SPEN: variants seen among roughly 807,000 people sequenced by gnomAD.
SPEN encodes the protein msx2-interacting protein.
In SPEN, 18 loss-of-function variants were observed where a neutral mutation model predicts 269.9. The observed-to-expected ratio is 0.07, with a 90% CI of 0.05 to 0.10. The LOEUF (loss-of-function observed/expected upper bound fraction) is 0.10. Among genes scored for constraint, SPEN ranks in the 10% least tolerant of loss-of-function variants. The probability of loss-of-function intolerance (pLI) is 1.00; values close to 1 mark genes in which losing one functional copy is unlikely to be tolerated. For synonymous variants in SPEN, 1,726 were observed against 1,765.7 expected (o/e 0.98, Z 0.56); for missense variants, 3,822 against 4,631.2 (o/e 0.83, Z 5.07).
chr1:15,860,230 T>TAGACCC (rs2070431252), intron 1 of SPEN, among the ~76,000 whole-genome samples: 1 of 151,738 alleles, frequency 6.6e-6, no homozygotes, highest in African/African-American at 2.4e-5. Flanking sequence ...TCTTAAGGCA[T>TAGACCC]AGACTTCAGT....
chr1:15,903,257 T>C (rs1028400918), intron 3 of SPEN, among the ~76,000 whole-genome samples: 2 of 152,236 alleles, frequency 1.3e-5, no homozygotes, highest in Non-Finnish European at 2.9e-5. Flanking sequence ...AGAATTGTTA[T>C]GTAACCAGTT....
intron 8 of SPEN, 126 bp downstream of exon 8, chr1:15,919,643 G>T: frequency 3.6e-6 from 2 of 558,938 alleles, no homozygotes; most frequent in South Asian, 7.5e-5. Flanking sequence ...AATTATGTTT[G>T]CTAAGATTTG....
rs1378585231 is a variant in SPEN at position 15,929,325 on chromosome 1, C to T, written c.3085C>T (p.Leu1029=). ...TGACGTGTCCTCTAGAGAGGTCATT[C>T]TGCTGAGGGAAGGAGAGGCTGAAAG... The part of the protein sequence containing the change: ...QPDVSSREVI[L]LREGEAERKP... The change falls in exon 11 of 15, where the codon CTG becomes TTG. Residue 1029 remains leucine, a synonymous_variant. Coordinates refer to ENST00000375759, the MANE Select transcript of SPEN (RefSeq NM_015001.3). The surrounding 1 kb of genome is among the most constrained non-coding windows in gnomAD (Gnocchi z 5.8). 16 of 1,613,940 alleles carry T rather than the reference C, an allele frequency of 9.9e-6. No homozygotes were observed. The highest frequency in any genetic ancestry group is 1.7e-5 in the Admixed American group (1 of 60,000).
Position 15,847,812 on chromosome 1 carries a change from A to C in SPEN, c.-256A>C. The C allele has an allele frequency of 4.5e-6, 1 of 223,618 alleles. No homozygotes were observed. Among genetic ancestry groups the C allele is most frequent in the Non-Finnish European group, 8.8e-6 (1 of 113,692 alleles). The allele number at this position is 223,618 out of a possible 1,614,324, so 13.9% of individuals were successfully genotyped here. A position where few individuals can be genotyped will look rare whatever the true frequency, so the allele number is the denominator to read the frequency against. ...CCCCCGCCCGCCCCTGCCCGGGCGC[A>C]TGCGCTGCCGGAGCGCGAGGGTCGG... On this transcript the variant is annotated 5_prime_UTR_variant, in exon 1 of 15. It removes an upstream start codon present in the reference 5' UTR. Transcript: ENST00000375759.
At chr1:15,883,882 TCA>T (rs1386274016) in intron 3 of SPEN, among the ~76,000 whole-genome samples, 2 of 147,592 alleles carry the variant, frequency 1.4e-5, no homozygotes, top group Non-Finnish European at 3.0e-5. Flanking sequence ...TGATCTCGAC[TCA>T]CTGCAAGCTC....
chr1:15,872,858 A>T lies in SPEN; in HGVS notation c.126A>T (p.Gly42=). ...GTGTCAAAATTCTTCCCAAGAGGGG[A>T]TCTGAAGGAGGAGTGGCTGCCTTTG... is the stretch of plus-strand genomic sequence containing the variant. ...VESVKILPKR[G]SEGGVAAFVD... The change falls in exon 2 of 15, where the codon GGA becomes GGT. Residue 42 remains glycine (G), a synonymous_variant. Coordinates refer to ENST00000375759, the MANE Select transcript of SPEN (RefSeq NM_015001.3). 7 of 1,544,410 alleles carry T rather than the reference A, an allele frequency of 4.5e-6. No individual in the cohort carries two copies. The highest frequency in any genetic ancestry group is 6.2e-6 in the Non-Finnish European group (7 of 1,135,108).
In SPEN at chr1:15,935,186, C is replaced by A. The variant is rs201270310; in HGVS notation, c.8946C>A (p.Leu2982=). 211 of 1,613,928 alleles carry A rather than the reference C, an allele frequency of 1.3e-4. No individual in the cohort carries two copies. The highest frequency in any genetic ancestry group is 1.6e-4 in the Non-Finnish European group (189 of 1,179,956). ...AGCCGGCCAACCTGGGGTCCACGCTCACGCCCCACCACCCTCCTGCTCTGC... is the reference window on the plus strand; with the variant it reads ...AGCCGGCCAACCTGGGGTCCACGCTAACGCCCCACCACCCTCCTGCTCTGC... ...VLQPANLGST[L]TPHHPPALPS... The change falls in exon 11 of 15, where the codon CTC becomes CTA. Residue 2982 remains leucine (L), a synonymous_variant. Coordinates refer to ENST00000375759, the MANE Select transcript of SPEN (RefSeq NM_015001.3). This position sits in a 1 kb window ranked among gnomAD's most constrained non-coding sequence, Gnocchi z 7.7.
At chr1:15,849,029 A>C (rs2070306229) in intron 1 of SPEN, among the ~76,000 whole-genome samples, 1 of 152,146 alleles carries the variant, frequency 6.6e-6, no homozygotes, top group African/African-American at 2.4e-5. Flanking sequence ...GAATTATAAG[A>C]ATAAATGTTG....
intron 10 of SPEN, among the ~76,000 whole-genome samples, chr1:15,923,284 A>G (rs772360780): frequency 6.6e-6 from 1 of 152,196 alleles, no homozygotes; most frequent in Non-Finnish European, 1.5e-5. Context: ...AACAGACCGA[A>G]ATATAGTAAA....
chr1:15,884,116 A>G (rs1186163632), intron 3 of SPEN, among the ~76,000 whole-genome samples: 1 of 152,058 alleles, frequency 6.6e-6, no homozygotes, highest in African/African-American at 2.4e-5. Context: ...GGCTTGTTTT[A>G]TGGGTTAACA....
At chr1:15,901,059 T>C (rs80289557) in intron 3 of SPEN, among the ~76,000 whole-genome samples, 3 of 151,300 alleles carry the variant, frequency 2.0e-5, no homozygotes, top group South Asian at 4.2e-4. Context: ...AAAAAAAAAA[T>C]AGAGGCTTGA....
chr1:15,874,159 A>G, intron 2 of SPEN: 1 of 1,366,172 alleles, frequency 7.3e-7, no homozygotes, highest in Non-Finnish European at 9.8e-7. Context: ...TCAAGAAAGA[A>G]GTCTGGGGGT....
intron 1 of SPEN, among the ~76,000 whole-genome samples, chr1:15,850,580 T>C (rs984642600): frequency 6.6e-6 from 1 of 152,182 alleles, no homozygotes; most frequent in Non-Finnish European, 1.5e-5. Flanking sequence ...ATTTCTGGTT[T>C]CTTGTTTATC....
At chr1:15,869,425 CA>C (rs1377844820) in intron 1 of SPEN, among the ~76,000 whole-genome samples, 1 of 151,648 alleles carries the variant, frequency 6.6e-6, no homozygotes, top group East Asian at 1.9e-4. Context: ...AATTTTGTTA[CA>C]AAAAAGGTAA....
chr1:15,864,167 C>CTTT (rs71003211), intron 1 of SPEN, among the ~76,000 whole-genome samples: 5 of 148,624 alleles, frequency 3.4e-5, no homozygotes, highest in African/African-American at 1.2e-4. Flanking sequence ...ATAGTGGTTG[C>CTTT]TTTTTTTTTT....
chr1:15,858,513 C>G (rs571350176), intron 1 of SPEN, among the ~76,000 whole-genome samples: 14 of 152,318 alleles, frequency 9.2e-5, no homozygotes, highest in Admixed American at 1.3e-4. Context: ...ATAGTAGGCT[C>G]TACCATTGAG....
At chr1:15,880,915 GA>G (rs1370164782) in intron 3 of SPEN, among the ~76,000 whole-genome samples, 2 of 152,188 alleles carry the variant, frequency 1.3e-5, no homozygotes, top group African/African-American at 4.8e-5. Context: ...ACTGTGGGCA[GA>G]AGGAACAACC....
At position 15,891,435 on chromosome 1, in the gene SPEN, T is replaced by G. The variant is rs111736874; in HGVS notation, c.881+14757T>G. 7.2e-3 allele frequency among the ~76,000 whole-genome samples: 1,089 copies of G among 150,686 alleles called. 24 individuals carry two copies. Among genetic ancestry groups the G allele is most frequent in the African/African-American group, 0.025 (1,032 of 40,952 alleles). ...GGCACCATCTCGGCTCAGTGCAAGG[T>G]CCGCCTCCTGGGTTCACGCCATTCT... On this transcript the variant is annotated intron_variant, in intron 3 of 14. Transcript: ENST00000375759.
chr1:15,929,059 C>A lies in SPEN; in HGVS notation c.2819C>A (p.Pro940Gln). The part of the protein sequence containing the change: ...SKLESVRMKV[P>Q]KEKGLSSHVE... Reference sequence around the variant, plus strand: ...CTGGAATCAGTTAGAATGAAAGTACCAAAGGAAAAGGGGCTTTCAAGCCAT... The same window carrying A: ...CTGGAATCAGTTAGAATGAAAGTACAAAAGGAAAAGGGGCTTTCAAGCCAT... Residue 940 changes from proline (P) to glutamine (Q), a missense_variant, in exon 11 of 15, where the codon CCA (proline) becomes CAA (glutamine). Physicochemically the swap from Pro to Gln is moderately conservative, Grantham distance 76 (BLOSUM62 -1). Coordinates refer to ENST00000375759, the MANE Select transcript of SPEN (RefSeq NM_015001.3). This position sits in a 1 kb window ranked among gnomAD's most constrained non-coding sequence, Gnocchi z 5.8. The A allele has an allele frequency of 6.2e-7, 1 of 1,614,062 alleles. No individual in the cohort carries two copies.
Sources: gnomAD v4.1 joint callset for allele counts (sites outside exome capture counted in the v4.1 genomes callset) on GRCh38, gnomAD v4.1.1 for gene constraint, Gnocchi (gnomAD v3.1) non-coding constraint, MANE v1.5 for transcripts, NCBI Gene and HGNC (gene_info 2026-07-23, HGNC 2026-07-21) for gene names.